SYTL4: variants seen among roughly 807,000 people sequenced by gnomAD.
SYTL4 encodes the protein synaptotagmin-like protein 4.
SYTL4 carries 16 observed loss-of-function variants against 52.7 expected under a neutral mutation model. The ratio of observed to expected loss-of-function variants is 0.30; its 90% CI spans 0.21 to 0.46. The LOEUF (loss-of-function observed/expected upper bound fraction) is 0.46. SYTL4 is among the 20% of genes least tolerant of loss of function. The pLI is 1.00. For missense variants in SYTL4, 423 were observed against 519.9 expected (o/e 0.81, Z 1.81); for synonymous variants, 160 against 186.6 (o/e 0.86, Z 1.16).
chrX:100,701,312 G>A lies in SYTL4; in HGVS notation c.344C>T (p.Thr115Ile), dbSNP rs755005339. 2.8e-5 allele frequency: 34 copies of A among 1,207,093 alleles called. No homozygotes were observed. The highest frequency in any genetic ancestry group is 6.5e-5 in the Admixed American group (3 of 45,853). ...CAKEIELKKA[T>I]GDWFYDQKVN... The stretch of plus-strand genomic sequence containing the variant: ...TTTCTGGTCATAAAACCAGTCCCCA[G>A]TTGCTTTCTTCAACTCTCTGGGAAG... The change falls in exon 7 of 20, where the codon ACT (threonine) becomes ATT (isoleucine). Residue 115 changes from threonine (T) to isoleucine (I), a missense_variant. Thr to Ile is a moderately conservative substitution (Grantham distance 89). Transcript: ENST00000372989.
chrX:100,722,173 T>TA (rs2084355097), intron 2 of SYTL4, among the ~76,000 whole-genome samples: 1 of 111,185 alleles, frequency 9.0e-6, no homozygotes, highest in Non-Finnish European at 1.9e-5. Flanking sequence ...ATATCTGATT[T>TA]AAAAAACCAT....
chrX:100,723,946 G>A (rs1385169174), intron 2 of SYTL4, among the ~76,000 whole-genome samples: 10 of 97,054 alleles, frequency 1.0e-4, no homozygotes, highest in African/African-American at 2.0e-4. Context: ...CAGGCCAGCC[G>A]CCCCGTCAGG....
intron 8 of SYTL4, 22 bp from the exon 9 acceptor site, chrX:100,691,231 A>G (rs1602788043): frequency 8.8e-7 from 1 of 1,140,585 alleles, no homozygotes; most frequent in East Asian, 3.0e-5. Context: ...ACCAAGAGCC[A>G]ATATTGAAAG....
In SYTL4 at chrX:100,687,321, TAA is replaced by T; in HGVS notation, c.1006-78_1006-77del. On this transcript the variant is annotated intron_variant, in intron 13 of 19. Transcript: ENST00000372989. Reference sequence around the variant, plus strand: ...GCATTGCTCACATCTTCCCTCATGATAAAACCACAGTCACTGAACAGAAGTTT... The same window carrying T: ...GCATTGCTCACATCTTCCCTCATGATAACCACAGTCACTGAACAGAAGTTT... 5 of 932,277 alleles carry T rather than the reference TAA, an allele frequency of 5.4e-6. No individual in the cohort carries two copies. In the Admixed American group the frequency reaches 1.2e-4, roughly 22 times the overall value. The allele number at this position is 932,277 out of a possible 1,213,427, so 76.8% of individuals were successfully genotyped here.
At chrX:100,724,289 G>C (rs1314174199) in intron 2 of SYTL4, among the ~76,000 whole-genome samples, 1 of 105,225 alleles carries the variant, frequency 9.5e-6, no homozygotes. Flanking sequence ...CCATCCGGGA[G>C]GTGAGGGGCG....
chrX:100,686,547 T>C (rs1464365842), intron 15 of SYTL4, 132 bp downstream of exon 15: 8 of 468,074 alleles, frequency 1.7e-5, no homozygotes, highest in African/African-American at 4.9e-5. Context: ...TGTGAACAGA[T>C]ACCCAATGTA....
intron 8 of SYTL4, among the ~76,000 whole-genome samples, chrX:100,699,544 A>G (rs78107116): frequency 0.29 from 21,385 of 74,658 alleles, 3,103 homozygotes; most frequent in East Asian, 0.52. Flanking sequence ...GCTGGAGTGC[A>G]ATGGCGCGAT....
intron 13 of SYTL4, 51 bp from the exon 14 acceptor site, chrX:100,687,296 G>A (rs756679643): frequency 2.0e-5 from 22 of 1,079,271 alleles, no homozygotes; most frequent in African/African-American, 3.7e-5. Context: ...TCCCCCGCCC[G>A]CATTGCTCAC....
At chrX:100,695,141 A>G (rs2147739868) in intron 8 of SYTL4, among the ~76,000 whole-genome samples, 1 of 108,917 alleles carries the variant, frequency 9.2e-6, no homozygotes, top group South Asian at 4.1e-4. Flanking sequence ...ACCAATCCAC[A>G]GCTAATACAA....
chrX:100,721,534 G>C (rs371516630), intron 2 of SYTL4, among the ~76,000 whole-genome samples: 3 of 111,681 alleles, frequency 2.7e-5, no homozygotes, highest in African/African-American at 9.8e-5. Flanking sequence ...GAATGAGCTG[G>C]CATCAAGAAT....
chrX:100,700,792 C>T (rs2083833204), intron 8 of SYTL4, 105 bp downstream of exon 8: 2 of 656,145 alleles, frequency 3.0e-6, no homozygotes, highest in South Asian at 2.9e-5. Flanking sequence ...TCAAGTTTTC[C>T]TATAATGAAC....
intron 4 of SYTL4, among the ~76,000 whole-genome samples, 170 bp from the exon 5 acceptor site, chrX:100,702,277 T>A (rs985194179): frequency 1.8e-5 from 2 of 111,777 alleles, no homozygotes; most frequent in Admixed American, 1.9e-4. Flanking sequence ...GCCCTGAAAA[T>A]GAAGAGTCCT....
intron 2 of SYTL4, among the ~76,000 whole-genome samples, chrX:100,714,924 G>T (rs994345532): frequency 1.1e-4 from 12 of 111,809 alleles, no homozygotes; most frequent in Non-Finnish European, 2.3e-4. Context: ...AATGTCACTG[G>T]CCTCATCAAA....
chrX:100,675,935 CAT>C lies in SYTL4; in HGVS notation c.*91_*92del. 1.1e-6 allele frequency: 1 copy of C among 914,649 alleles called. No individual in the cohort carries two copies. The highest frequency in any genetic ancestry group is 1.5e-6 in the Non-Finnish European group (1 of 665,384). 75.4% of individuals were successfully genotyped at this position (914,649 alleles called of 1,213,427 possible). On this transcript the variant is annotated 3_prime_UTR_variant, in exon 20 of 20. Transcript: ENST00000372989. ...ACACACACACATACACACATACACA[CAT>C]ACACATTAAATTATAAATCTTTGCT...
intron 10 of SYTL4, 132 bp downstream of exon 10, chrX:100,690,431 A>T (rs899907850): frequency 9.6e-5 from 28 of 292,918 alleles, no homozygotes; most frequent in Admixed American, 2.1e-4. Context: ...AAGAGAATGG[A>T]GGGAGGGAGG....
chrX:100,700,841 TA>T, intron 8 of SYTL4, 55 bp downstream of exon 8: 1 of 893,089 alleles, frequency 1.1e-6, no homozygotes, highest in Non-Finnish European at 1.6e-6. Context: ...AAAAGAATAG[TA>T]AAAGAATTAA....
intron 15 of SYTL4, 122 bp from the exon 16 acceptor site, chrX:100,686,273 T>C (rs759183605): frequency 1.5e-6 from 1 of 681,752 alleles, no homozygotes; most frequent in Non-Finnish European, 2.1e-6. Context: ...TTACTTTATG[T>C]TCCCTGAGCA....
chrX:100,700,918 T>A lies in SYTL4; in HGVS notation c.518A>T (p.Gln173Leu). ...TTACCTGGGCTCCTTCTGCCGCTCC[T>A]GAATGATCTTTCTTCCTGGCCAGAT... Reference protein sequence around the residue: ...GDIWPGRKIIQERQKEPSVLF... With the variant: ...GDIWPGRKIILERQKEPSVLF... The change falls in exon 8 of 20, where the codon CAG becomes CTG. Residue 173 changes from glutamine to leucine, a missense_variant. By Grantham distance (113) the Gln-to-Leu change is moderately radical (BLOSUM62 -2). Transcript: ENST00000372989. 1 of 1,209,949 alleles carries A rather than the reference T, an allele frequency of 8.3e-7. No homozygotes were observed. The highest frequency in any genetic ancestry group is 1.1e-6 in the Non-Finnish European group (1 of 894,076).
intron 2 of SYTL4, among the ~76,000 whole-genome samples, chrX:100,723,342 C>T (rs183633357): frequency 1.9e-4 from 21 of 112,380 alleles, no homozygotes; most frequent in Non-Finnish European, 2.8e-4. Context: ...GGCTGGTCTC[C>T]AGCTCCTAAC....
Sources: allele counts gnomAD v4.1 joint callset (sites outside exome capture counted in the v4.1 genomes callset), GRCh38; gene constraint gnomAD v4.1.1; transcripts MANE v1.5; gene names NCBI Gene and HGNC (gene_info 2026-07-23, HGNC 2026-07-21).